The following PCNX4 variants were observed in gnomAD, a reference collection of about 807,000 sequenced individuals.
PCNX4 encodes pecanex-like protein 4.
Under a neutral mutation model 107.2 loss-of-function variants are expected in PCNX4, and 103 were observed. The ratio of observed to expected loss-of-function variants is 0.96; its 90% CI spans 0.82 to 1.13. The LOEUF (loss-of-function observed/expected upper bound fraction) is 1.13. Ranked by LOEUF, PCNX4 falls within the 50% of genes most tolerant of loss-of-function variation. The pLI, the probability that PCNX4 is intolerant of heterozygous loss-of-function variation, is 0.00. For missense variants in PCNX4, 1,528 were observed against 1,379.4 expected, an observed-to-expected ratio of 1.11 and a Z score of -1.71; for synonymous variants, 541 against 481.7, an observed-to-expected ratio of 1.12 and a Z score of -1.61.
At chr14:60,107,252 G>C (rs1451107059) in intron 1 of PCNX4, among the ~76,000 whole-genome samples, 1 of 152,080 alleles carries the variant, frequency 6.6e-6, no homozygotes, top group African/African-American at 2.4e-5. Context: ...ATAGGGGCAT[G>C]TGCCTATAGT....
chr14:60,094,850 T>A (rs1338564956), intron 1 of PCNX4, among the ~76,000 whole-genome samples: 1 of 148,736 alleles, frequency 6.7e-6, no homozygotes, highest in Non-Finnish European at 1.5e-5. Flanking sequence ...AAAAACTCAT[T>A]TTGCCACTAA....
At chr14:60,114,613 GTT>G in intron 2 of PCNX4, 85 bp from the exon 3 acceptor site, 1 of 1,131,878 alleles carries the variant, frequency 8.8e-7, no homozygotes, top group Non-Finnish European at 1.2e-6. Context: ...AAGGGAGTGT[GTT>G]GTTATTCTGT....
At position 60,125,180 on chromosome 14, in the gene PCNX4, G is replaced by C; in HGVS notation, c.3009G>C (p.Leu1003Phe). Residue 1003 changes from leucine to phenylalanine, a missense_variant, in exon 9 of 11, where the codon TTG becomes TTC. By Grantham distance (22) the Leu-to-Phe change is conservative. Transcript: ENST00000406854. ...TATTGAGAGTTTACGGTGGTGTTTT[G>C]CCTTGGTCTGTTGCTTTGGACTGGC... ...GHILRVYGGV[L>F]PWSVALDWLT... is the part of the protein sequence containing the mutation. The C allele has an allele frequency of 6.2e-7, 1 of 1,611,214 alleles. No individual in the cohort carries two copies. Among genetic ancestry groups the C allele is most frequent in the Non-Finnish European group, 8.5e-7 (1 of 1,178,706 alleles).
rs1486290412 is a variant in PCNX4 at position 60,124,812 on chromosome 14, T to C, written c.2641T>C (p.Leu881=). 3 of 1,613,762 alleles carry C rather than the reference T, an allele frequency of 1.9e-6. No homozygotes were observed. The highest frequency in any genetic ancestry group is 2.5e-6 in the Non-Finnish European group (3 of 1,179,778). ...PENDLYKAVL[L]GYPAVDKGKQ... ...AAACGATCTTTACAAAGCAGTTCTA[T>C]TAGGATACCCTGCTGTTGACAAAGG... Residue 881 remains leucine (L), a synonymous_variant, in exon 9 of 11, where the codon TTA becomes CTA. Coordinates refer to ENST00000406854, the MANE Select transcript of PCNX4 (RefSeq NM_001330177.2).
Position 60,124,964 on chromosome 14 carries a change from G to T in PCNX4, c.2793G>T (p.Ser931=). ...GTTCCAAAATGAAGGAGATGAGCTC[G>T]TTATTTCCAGAAGACTGGTACCAAT... ...MPSSKMKEMS[S]LFPEDWYQFV... is the part of the protein sequence containing the mutation. Residue 931 remains serine, a synonymous_variant, in exon 9 of 11, where the codon TCG becomes TCT. Transcript: ENST00000406854. The T allele has an allele frequency of 6.2e-7, 1 of 1,613,842 alleles. No individual in the cohort carries two copies. The highest frequency in any genetic ancestry group is 1.7e-5 in the Admixed American group (1 of 60,006).
intron 4 of PCNX4, 126 bp downstream of exon 4, chr14:60,115,587 G>T: frequency 7.3e-7 from 1 of 1,378,108 alleles, no homozygotes; most frequent in Admixed American, 2.5e-5. Flanking sequence ...TTTATGTTAT[G>T]GTTTTTTGTT....
In PCNX4 at chr14:60,134,592, GAT is replaced by G. The variant is rs1408703211; in HGVS notation, c.*373_*374del. On this transcript the variant is annotated 3_prime_UTR_variant, in exon 11 of 11. Transcript: ENST00000406854. ...CTATGTAATTTTTACATACTTAAGA[GAT>G]AAACATATCAGTGTTCTAAGTAGTG... is the stretch of plus-strand genomic sequence containing the variant. 4 of 191,786 alleles carry G rather than the reference GAT, an allele frequency of 2.1e-5. No homozygotes were observed. The highest frequency in any genetic ancestry group is 4.3e-5 in the Non-Finnish European group (4 of 93,066). 11.9% of individuals were successfully genotyped at this position (191,786 alleles called of 1,614,324 possible). A position where few individuals can be genotyped will look rare whatever the true frequency, so the allele number is the denominator to read the frequency against.
intron 2 of PCNX4, chr14:60,111,048 TGTGTAAGCCAGGAA>T (rs1895730658): frequency 6.0e-6 from 1 of 166,902 alleles, no homozygotes; most frequent in Non-Finnish European, 1.5e-5. Context: ...AAGGCAGCCA[TGTGTAAGCCAGGAA>T]GAGAGTCTTC....
chr14:60,098,843 C>G lies in PCNX4; in HGVS notation c.-54+6424C>G, dbSNP rs139119863. 5.6e-4 allele frequency among the ~76,000 whole-genome samples: 85 copies of G among 151,686 alleles called. No individual in the cohort carries two copies. The East Asian group carries it at 0.015, about 26-fold the overall frequency. ...ATCCCAGCTACTCCGGAGGCTGAGG[C>G]AGGAGAATCGCTTGAACCCGAGAGG... On this transcript the variant is annotated intron_variant, in intron 1 of 10. Coordinates refer to ENST00000406854, the MANE Select transcript of PCNX4 (RefSeq NM_001330177.2).
intron 2 of PCNX4, chr14:60,108,636 G>C (rs1895676785): frequency 5.1e-6 from 1 of 197,042 alleles, no homozygotes; most frequent in East Asian, 1.4e-4. Context: ...CCTGTGTAAG[G>C]AGATGGAACT....
At chr14:60,103,949 C>G (rs1040673461) in intron 1 of PCNX4, among the ~76,000 whole-genome samples, 2 of 152,142 alleles carry the variant, frequency 1.3e-5, no homozygotes, top group Non-Finnish European at 2.9e-5. Context: ...TAGATACTTT[C>G]CAAACATTTT....
At chr14:60,116,158 A>G in intron 6 of PCNX4, 98 bp downstream of exon 6, 1 of 1,131,146 alleles carries the variant, frequency 8.8e-7, no homozygotes, top group Admixed American at 3.4e-5. Context: ...TCATCACCAC[A>G]ATCTAATTTT....
chr14:60,110,567 C>T (rs1456590078), intron 2 of PCNX4: 1 of 167,038 alleles, frequency 6.0e-6, no homozygotes, highest in Non-Finnish European at 1.5e-5. Flanking sequence ...CCTGTTTCTC[C>T]TATTGGAGTG....
At chr14:60,114,441 T>G (rs1253811686) in intron 2 of PCNX4, among the ~76,000 whole-genome samples, 1 of 152,220 alleles carries the variant, frequency 6.6e-6, no homozygotes, top group Admixed American at 6.5e-5. Flanking sequence ...CCTCCTCCTT[T>G]GCACATTTGA....
intron 8 of PCNX4, 26 bp from the exon 9 acceptor site, chr14:60,124,192 T>G (rs1206214536): frequency 6.7e-7 from 1 of 1,489,714 alleles, no homozygotes; most frequent in Non-Finnish European, 8.9e-7. Flanking sequence ...GATTATAAAC[T>G]CAAGTACTTT....
intron 1 of PCNX4, among the ~76,000 whole-genome samples, chr14:60,106,547 A>G (rs921988624): frequency 1.3e-5 from 2 of 152,186 alleles, no homozygotes; most frequent in Non-Finnish European, 2.9e-5. Flanking sequence ...GATTCATTCT[A>G]TGCGGAACTA....
chr14:60,109,240 T>A (rs1430585613), intron 2 of PCNX4: 5 of 167,084 alleles, frequency 3.0e-5, no homozygotes, highest in Non-Finnish European at 5.9e-5. Flanking sequence ...TCATGGTCTT[T>A]CGGCCTTCAG....
chr14:60,119,323 A>G (rs1475048023), intron 7 of PCNX4, among the ~76,000 whole-genome samples: 3 of 152,140 alleles, frequency 2.0e-5, no homozygotes, highest in East Asian at 1.9e-4. Flanking sequence ...TTTTAACTGT[A>G]TTGTACTTCT....
intron 2 of PCNX4, 38 bp downstream of exon 2, chr14:60,108,365 T>A (rs752405723): frequency 1.4e-5 from 20 of 1,474,188 alleles, no homozygotes; most frequent in Non-Finnish European, 1.8e-5. Flanking sequence ...TAACTTTGTT[T>A]TTAAGTATAC....
Sources: gnomAD v4.1 joint callset for allele counts (sites outside exome capture counted in the v4.1 genomes callset) on GRCh38, gnomAD v4.1.1 for gene constraint, MANE v1.5 for transcripts, NCBI Gene and HGNC (gene_info 2026-07-23, HGNC 2026-07-21) for gene names.